Variants in XPNPEP3 observed in about 807,000 individuals in gnomAD.
XPNPEP3 encodes the protein xaa-Pro aminopeptidase 3.
Under a neutral mutation model 60.0 loss-of-function variants are expected in XPNPEP3, and 41 were observed. The observed-to-expected ratio is 0.68, with a 90% CI of 0.53 to 0.89. The LOEUF (loss-of-function observed/expected upper bound fraction) is 0.89, where lower values mean the gene tolerates loss of function less well. Ranked by LOEUF, XPNPEP3 falls within the 40% of genes least tolerant of loss-of-function variation. The pLI, the probability that XPNPEP3 is intolerant of heterozygous loss-of-function variation, is 0.00. For synonymous variants in XPNPEP3, 212 were observed against 223.2 expected (o/e 0.95, Z 0.45); for missense variants, 598 against 638.9 (o/e 0.94, Z 0.69).
At chr22:40,897,526 A>G (rs914319978) in intron 4 of XPNPEP3, among the ~76,000 whole-genome samples, 3 of 150,116 alleles carry the variant, frequency 2.0e-5, no homozygotes, top group African/African-American at 7.4e-5. Context: ...TTTTTGAGAC[A>G]GAGTCTCCAT....
At chr22:40,905,846 G>T (rs2058152851) in intron 4 of XPNPEP3, among the ~76,000 whole-genome samples, 1 of 151,814 alleles carries the variant, frequency 6.6e-6, no homozygotes, top group African/African-American at 2.4e-5. Context: ...AGGCTGTAGT[G>T]CAGTGGCACG....
chr22:40,860,451 A>G (rs2057935921), intron 1 of XPNPEP3: 1 of 368,920 alleles, frequency 2.7e-6, no homozygotes, highest in African/African-American at 2.1e-5. Context: ...TAATGCATCA[A>G]ATGCTGTTCC....
At chr22:40,868,274 T>A (rs1163621300) in intron 1 of XPNPEP3, among the ~76,000 whole-genome samples, 1 of 152,166 alleles carries the variant, frequency 6.6e-6, no homozygotes, top group Admixed American at 6.5e-5. Context: ...CAATAAAAAA[T>A]GTTGATTATC....
chr22:40,904,774 AT>A lies in XPNPEP3; in HGVS notation c.793-2805del, dbSNP rs911883840. 4.6e-5 allele frequency among the ~76,000 whole-genome samples: 7 copies of A among 151,746 alleles called. No individual in the cohort carries two copies. The East Asian group carries it at 1.2e-3, about 25-fold the overall frequency. On this transcript the variant is annotated intron_variant, in intron 4 of 9. Transcript: ENST00000357137. ...CTTTAATTGATTTTTTAATTTTTTT[AT>A]TTTTTTTGAGATGGAGTCTTGCCGT...
At chr22:40,892,303 G>C (rs1601505431) in intron 4 of XPNPEP3, among the ~76,000 whole-genome samples, 1 of 152,040 alleles carries the variant, frequency 6.6e-6, no homozygotes, top group Non-Finnish European at 1.5e-5. Context: ...TTCTGCCTCA[G>C]CCTCCCAAAT....
At chr22:40,888,218 T>TA in intron 4 of XPNPEP3, among the ~76,000 whole-genome samples, 1 of 152,320 alleles carries the variant, frequency 6.6e-6, no homozygotes, top group South Asian at 2.1e-4. Flanking sequence ...TCACTTAGCA[T>TA]AATGTTTTTA....
chr22:40,890,460 G>A (rs1020788602), intron 4 of XPNPEP3, among the ~76,000 whole-genome samples: 1 of 152,142 alleles, frequency 6.6e-6, no homozygotes, highest in Non-Finnish European at 1.5e-5. Context: ...GATCACTTGA[G>A]CTGGGGCAGT....
rs2058253655 is a variant in XPNPEP3 at position 40,931,237 on chromosome 22, A to G, written c.*4802A>G. 1.3e-5 allele frequency: 2 copies of G among 152,292 alleles called. No homozygotes were observed. Among genetic ancestry groups the G allele is most frequent in the Admixed American group, 6.5e-5 (1 of 15,286 alleles). 9.4% of individuals were successfully genotyped at this position (152,292 alleles called of 1,614,324 possible). Reference sequence around the variant, plus strand: ...TAAAAAAAATTACTCAAATGTTACTACTGGAATTTTTCTCCCTGAATTGAA... The same window carrying G: ...TAAAAAAAATTACTCAAATGTTACTGCTGGAATTTTTCTCCCTGAATTGAA... On this transcript the variant is annotated 3_prime_UTR_variant, in exon 10 of 10. Transcript: ENST00000357137.
At chr22:40,861,558 A>G (rs746328790) in intron 1 of XPNPEP3, 4 of 1,613,388 alleles carry the variant, frequency 2.5e-6, no homozygotes, top group Non-Finnish European at 3.4e-6. Context: ...TTTCTCAAAA[A>G]TTGGATATTC....
rs182135052 is a variant in XPNPEP3, at chr22:40,893,461, C to T, written c.792+6946C>T. 1.1e-3 allele frequency among the ~76,000 whole-genome samples: 154 copies of T among 137,048 alleles called. 1 individual carries two copies. The highest frequency in any genetic ancestry group is 4.2e-3 in the Middle Eastern group (1 of 240). The allele number at this position is 137,048 out of a possible 152,430, so 89.9% of individuals were successfully genotyped here. On this transcript the variant is annotated intron_variant, in intron 4 of 9. Coordinates refer to ENST00000357137, the MANE Select transcript of XPNPEP3 (RefSeq NM_022098.4). ...TGGAGGTTGCAGTCAGCCGAGATAG[C>T]GCCATTGCACTCCAGCCTGGGCAAT...
intron 2 of XPNPEP3, among the ~76,000 whole-genome samples, chr22:40,879,342 T>C (rs1173584788): frequency 6.6e-6 from 1 of 152,162 alleles, no homozygotes; most frequent in Non-Finnish European, 1.5e-5. Flanking sequence ...AAAAGTTAAA[T>C]AAAAATATTT....
intron 4 of XPNPEP3, among the ~76,000 whole-genome samples, chr22:40,892,977 A>G (rs532820981): frequency 3.3e-5 from 5 of 151,968 alleles, no homozygotes; most frequent in Admixed American, 2.6e-4. Context: ...TTCTGTCATC[A>G]TATTCTGGTA....
At chr22:40,883,486 A>G (rs1046320930) in intron 3 of XPNPEP3, among the ~76,000 whole-genome samples, 3 of 151,992 alleles carry the variant, frequency 2.0e-5, no homozygotes, top group Non-Finnish European at 4.4e-5. Flanking sequence ...CAGCCTCCAG[A>G]ATACTGGGAC....
chr22:40,895,270 C>G (rs377174250), intron 4 of XPNPEP3, among the ~76,000 whole-genome samples: 1 of 152,092 alleles, frequency 6.6e-6, no homozygotes, highest in Non-Finnish European at 1.5e-5. Flanking sequence ...GACAGAACTT[C>G]TTTGGACATT....
rs1215980636 is a variant in XPNPEP3 at position 40,931,903 on chromosome 22, A to G, written c.*5468A>G. 1 of 152,196 alleles carries G rather than the reference A, an allele frequency of 6.6e-6. No homozygotes were observed. The highest frequency in any genetic ancestry group is 1.5e-5 in the Non-Finnish European group (1 of 68,044). 9.4% of individuals were successfully genotyped at this position (152,196 alleles called of 1,614,324 possible). On this transcript the variant is annotated 3_prime_UTR_variant, in exon 10 of 10. Coordinates refer to ENST00000357137, the MANE Select transcript of XPNPEP3 (RefSeq NM_022098.4). Reference sequence around the variant, plus strand: ...CCGTAGAAATACTGTCTTGAGATTAAGATACAAATAAAACATGTTAAACCT... The same window carrying G: ...CCGTAGAAATACTGTCTTGAGATTAGGATACAAATAAAACATGTTAAACCT...
chr22:40,886,550 G>A (rs2058069593), intron 4 of XPNPEP3, 35 bp downstream of exon 4: 1 of 1,603,640 alleles, frequency 6.2e-7, no homozygotes, highest in South Asian at 1.1e-5. Context: ...TTCCAGCCGG[G>A]CGCGGTGGCT....
chr22:40,910,706 T>TA (rs952604346), intron 6 of XPNPEP3, among the ~76,000 whole-genome samples: 2 of 151,688 alleles, frequency 1.3e-5, no homozygotes, highest in Non-Finnish European at 2.9e-5. Context: ...ACCCTGTCTT[T>TA]AAAAAAAATA....
chr22:40,886,383 G>A lies in XPNPEP3; in HGVS notation c.660G>A (p.Gln220=), dbSNP rs1163304363. ...SHAQLHSDYM[Q]PLTEAKAKSK... ...CACAGCTTCACTCTGACTATATGCA[G>A]CCCCTGACTGAGGCCAAAGCCAAGA... Residue 220 remains glutamine, a synonymous_variant, in exon 4 of 10, where the codon CAG becomes CAA. Transcript: ENST00000357137. The A allele has an allele frequency of 2.5e-6, 4 of 1,614,000 alleles. No individual in the cohort carries two copies. In the African/African-American group the frequency reaches 5.3e-5, roughly 22 times the overall value.
intron 5 of XPNPEP3, among the ~76,000 whole-genome samples, chr22:40,907,868 G>C (rs937266587): frequency 1.3e-5 from 2 of 152,162 alleles, no homozygotes; most frequent in African/African-American, 2.4e-5. Context: ...ATGATGAAGG[G>C]AAGATTTAGC....
Sources: allele counts gnomAD v4.1 joint callset (sites outside exome capture counted in the v4.1 genomes callset), GRCh38; gene constraint gnomAD v4.1.1; transcripts MANE v1.5; gene names NCBI Gene and HGNC (gene_info 2026-07-23, HGNC 2026-07-21).